The following FANCA variants were observed in gnomAD, a reference collection of about 807,000 sequenced individuals.
FANCA encodes the protein FA complementation group A.
A neutral mutation model predicts 194.3 loss-of-function variants in FANCA; 236 were observed. The ratio of observed to expected loss-of-function variants is 1.21; its 90% CI spans 1.09 to 1.35. The LOEUF (loss-of-function observed/expected upper bound fraction) is 1.35, where lower values mean the gene tolerates loss of function less well. FANCA is among the 40% of genes most tolerant of loss of function. FANCA has a pLI of 0.00. For missense variants in FANCA, 2,628 were observed against 1,813.9 expected (o/e 1.45, Z -8.15); for synonymous variants, 1,014 against 715.8 (o/e 1.42, Z -6.65).
Position 89,738,093 on chromosome 16 carries a change from G to A in FANCA, c.*508C>T, listed in dbSNP as rs1567589012. 6.2e-7 allele frequency: 1 copy of A among 1,614,034 alleles called. No individual in the cohort carries two copies. The highest frequency in any genetic ancestry group is 1.3e-5 in the African/African-American group (1 of 75,054). ...GTGACCAGTGTGGCCGGCGGTTTGA[G>A]AAGGCCCACAACCTCAATGTACACA... On this transcript the variant is annotated 3_prime_UTR_variant, in exon 43 of 43. Transcript: ENST00000389301.
At chr16:89,808,540 G>A (rs936394141) in intron 5 of FANCA, among the ~76,000 whole-genome samples, 173 bp from the exon 6 acceptor site, 4 of 152,120 alleles carry the variant, frequency 2.6e-5, no homozygotes, top group African/African-American at 4.8e-5. Flanking sequence ...TTTTTACAAA[G>A]CTGTACTGGT....
Position 89,816,006 on chromosome 16 carries a change from C to A in FANCA, c.80-20G>T. 1 of 1,584,872 alleles carries A rather than the reference C, an allele frequency of 6.3e-7. No homozygotes were observed. Among genetic ancestry groups the A allele is most frequent in the South Asian group, 1.1e-5 (1 of 90,492 alleles). On this transcript the variant is annotated intron_variant, in intron 1 of 42. Transcript: ENST00000389301. Reference sequence around the variant, plus strand: ...TTCCCGCTACGGAGAGAAGTCGGTTCGAAACCATCACAGCACAATTCACAC... The same window carrying A: ...TTCCCGCTACGGAGAGAAGTCGGTTAGAAACCATCACAGCACAATTCACAC...
chr16:89,739,095 G>T, intron 41 of FANCA, 38 bp downstream of exon 41: 1 of 1,613,926 alleles, frequency 6.2e-7, no homozygotes, highest in Non-Finnish European at 8.5e-7. Flanking sequence ...CCGGCTGGGG[G>T]GAGCTCCCCT....
chr16:89,814,086 G>A (rs2041008857), intron 3 of FANCA, among the ~76,000 whole-genome samples: 1 of 152,160 alleles, frequency 6.6e-6, no homozygotes, highest in South Asian at 2.1e-4. Context: ...ACATAAGGAC[G>A]TGAAGGATCA....
chr16:89,798,238 G>C lies in FANCA; in HGVS notation c.893+928C>G, dbSNP rs375190729. 17 of 629,808 alleles carry C rather than the reference G, an allele frequency of 2.7e-5. No homozygotes were observed. The African/African-American group carries it at 3.0e-4, about 11-fold the overall frequency. 39.0% of individuals were successfully genotyped at this position (629,808 alleles called of 1,614,324 possible). A position where few individuals can be genotyped will look rare whatever the true frequency, so the allele number is the denominator to read the frequency against. ...GTCCTCACCAGAACCCAACCCTAGGGGCACCCTGACCTCCAACTTCCAGCC... is the reference window on the plus strand; with the variant it reads ...GTCCTCACCAGAACCCAACCCTAGGCGCACCCTGACCTCCAACTTCCAGCC... On this transcript the variant is annotated intron_variant, in intron 10 of 42. Transcript: ENST00000389301.
intron 27 of FANCA, among the ~76,000 whole-genome samples, chr16:89,765,331 C>T (rs2039090063): frequency 2.7e-5 from 4 of 150,932 alleles, no homozygotes; most frequent in South Asian, 4.2e-4. Flanking sequence ...CACAACCCCA[C>T]GTTCAGGGGA....
At position 89,816,584 on chromosome 16, in the gene FANCA, G is replaced by T. The variant is rs1019317682; in HGVS notation, c.32C>A (p.Ser11Ter). MSDSWVPNSA[S>*]GQDPGGRRRA... ...CCGGCGGCCCCCTGGGTCCTGGCCC[G>T]AGGCGGAGTTCGGGACCCACGAGTC... The change falls in exon 1 of 43, where the codon TCG becomes TAG. Residue 11 changes from serine (S) to a stop codon, truncating the protein, a stop_gained. Transcript: ENST00000389301. LOFTEE classifies it high-confidence loss of function. 1 of 1,525,524 alleles carries T rather than the reference G, an allele frequency of 6.6e-7. No homozygotes were observed. The highest frequency in any genetic ancestry group is 8.7e-7 in the Non-Finnish European group (1 of 1,144,572). The allele number at this position is 1,525,524 out of a possible 1,614,324, so 94.5% of individuals were successfully genotyped here.
At chr16:89,744,708 G>T in intron 36 of FANCA, 4 of 512,610 alleles carry the variant, frequency 7.8e-6, no homozygotes, top group South Asian at 2.0e-5. Context: ...TTGCTCTATT[G>T]GCCGTTGGAG....
At chr16:89,813,129 G>C (rs368668356) in intron 3 of FANCA, among the ~76,000 whole-genome samples, 115 of 151,440 alleles carry the variant, frequency 7.6e-4, no homozygotes, top group African/African-American at 2.5e-3. Context: ...TAGAAAAGTA[G>C]ACAGATGGGG....
chr16:89,739,816 G>A (rs1049928138), intron 39 of FANCA, 178 bp downstream of exon 39: 10 of 1,466,680 alleles, frequency 6.8e-6, no homozygotes, highest in African/African-American at 2.8e-5. Context: ...GTTGACCAGT[G>A]AGCCAGTAAA....
Position 89,749,785 on chromosome 16 carries a change from C to G in FANCA, c.3184G>C (p.Gly1062Arg), listed in dbSNP as rs142379991. 14 of 1,614,232 alleles carry G rather than the reference C, an allele frequency of 8.7e-6. No homozygotes were observed. The highest frequency in any genetic ancestry group is 1.1e-5 in the Non-Finnish European group (13 of 1,180,036). The change falls in exon 32 of 43, where the codon GGG (glycine) becomes CGG (arginine). Residue 1062 changes from glycine (G) to arginine (R), a missense_variant. By Grantham distance (125) the Gly-to-Arg change is moderately radical. Transcript: ENST00000389301. Reference protein sequence around the residue: ...FRRRLQALTSGWSVAASLQRQ... With the variant: ...FRRRLQALTSRWSVAASLQRQ... ...TGAAGGCTGGCAGCCACGCTCCACCCGCTTGTCAGAGCCTGGAGCCGTCTG... is the reference window on the plus strand; with the variant it reads ...TGAAGGCTGGCAGCCACGCTCCACCGGCTTGTCAGAGCCTGGAGCCGTCTG...
intron 10 of FANCA, chr16:89,798,757 G>C: frequency 7.3e-7 from 1 of 1,377,426 alleles, no homozygotes; most frequent in Non-Finnish European, 9.4e-7. Context: ...CAGGCAGCGG[G>C]AGTCTGTAGA....
chr16:89,752,968 A>G (rs529821895), intron 30 of FANCA, among the ~76,000 whole-genome samples: 1 of 152,294 alleles, frequency 6.6e-6, no homozygotes, highest in African/African-American at 2.4e-5. Context: ...ACTCGCCCGC[A>G]GTTATCCGGA....
At chr16:89,750,180 C>T (rs900494268) in intron 31 of FANCA, among the ~76,000 whole-genome samples, 1 of 152,002 alleles carries the variant, frequency 6.6e-6, no homozygotes, top group Non-Finnish European at 1.5e-5. Context: ...TTATCAACTA[C>T]TTATCAATTA....
At chr16:89,762,123 C>G (rs1331341277) in intron 28 of FANCA, 101 bp from the exon 29 acceptor site, 1 of 883,140 alleles carries the variant, frequency 1.1e-6, no homozygotes, top group Non-Finnish European at 1.9e-6. Context: ...ACGCAGTCCT[C>G]CATGTCCCTG....
chr16:89,796,124 G>C, intron 10 of FANCA, 106 bp from the exon 11 acceptor site: 1 of 850,972 alleles, frequency 1.2e-6, no homozygotes, highest in Non-Finnish European at 2.0e-6. Context: ...CTTTAAGCAA[G>C]GAAGGGGCTT....
chr16:89,810,004 C>G (rs1211522708), intron 5 of FANCA, among the ~76,000 whole-genome samples: 3 of 151,716 alleles, frequency 2.0e-5, no homozygotes, highest in Non-Finnish European at 2.9e-5. Flanking sequence ...CCAGCCTGGG[C>G]GGCAGAGCAA....
chr16:89,785,728 C>A (rs549373635), intron 14 of FANCA, among the ~76,000 whole-genome samples: 69 of 152,302 alleles, frequency 4.5e-4, no homozygotes, highest in African/African-American at 1.5e-3. Flanking sequence ...TCCTGCCACC[C>A]TAGCCCCACT....
At chr16:89,789,228 C>G (rs926525496) in intron 14 of FANCA, among the ~76,000 whole-genome samples, 1 of 151,706 alleles carries the variant, frequency 6.6e-6, no homozygotes, top group African/African-American at 2.4e-5. Flanking sequence ...GACACTGACA[C>G]TGCACCAGTC....
Sources: allele counts gnomAD v4.1 joint callset (sites outside exome capture counted in the v4.1 genomes callset), GRCh38; gene constraint gnomAD v4.1.1; transcripts MANE v1.5; gene names NCBI Gene and HGNC (gene_info 2026-07-23, HGNC 2026-07-21).